Variants in IGF2BP1 observed in about 807,000 individuals in gnomAD.
IGF2BP1 encodes the protein insulin-like growth factor 2 mRNA-binding protein 1.
IGF2BP1 carries 11 observed loss-of-function variants against 74.9 expected under a neutral mutation model. The ratio of observed to expected loss-of-function variants is 0.15; its 90% CI spans 0.09 to 0.24. The LOEUF (loss-of-function observed/expected upper bound fraction) is 0.24, where lower values mean the gene tolerates loss of function less well. Among genes scored for constraint, IGF2BP1 ranks in the 10% least tolerant of loss-of-function variants. The pLI is 1.00. For missense variants in IGF2BP1, 440 were observed against 757.4 expected (o/e 0.58, Z 4.92); for synonymous variants, 287 against 281.8 (o/e 1.02, Z -0.18).
chr17:48,998,142 C>T (rs1377326799), intron 1 of IGF2BP1, among the ~76,000 whole-genome samples: 2 of 152,070 alleles, frequency 1.3e-5, no homozygotes, highest in Admixed American at 6.5e-5. Flanking sequence ...TTTCTCCCAG[C>T]CTGAGATAAG....
intron 2 of IGF2BP1, among the ~76,000 whole-genome samples, chr17:49,022,023 C>T (rs1598139535): frequency 6.6e-6 from 1 of 152,224 alleles, no homozygotes; most frequent in Non-Finnish European, 1.5e-5. Flanking sequence ...AGTCTGGATA[C>T]TCCAGTTCCC....
intron 11 of IGF2BP1, among the ~76,000 whole-genome samples, chr17:49,044,601 G>C (rs1409194727): frequency 6.6e-6 from 1 of 152,218 alleles, no homozygotes; most frequent in Non-Finnish European, 1.5e-5. Context: ...GGTTGCTTTA[G>C]TTGTCTTAAA....
At chr17:49,012,173 G>C (rs2041627577) in intron 2 of IGF2BP1, among the ~76,000 whole-genome samples, 1 of 152,102 alleles carries the variant, frequency 6.6e-6, no homozygotes, top group Admixed American at 6.5e-5. Flanking sequence ...CCAAAGTGCT[G>C]GAATTACAGG....
At chr17:49,032,951 G>A (rs778675375) in intron 5 of IGF2BP1, among the ~76,000 whole-genome samples, 1 of 152,060 alleles carries the variant, frequency 6.6e-6, no homozygotes, top group Non-Finnish European at 1.5e-5. Flanking sequence ...AAGTAGGTGG[G>A]ACTACAGACA....
At chr17:48,998,823 A>G (rs919724976) in intron 1 of IGF2BP1, among the ~76,000 whole-genome samples, 1 of 152,098 alleles carries the variant, frequency 6.6e-6, no homozygotes, top group Non-Finnish European at 1.5e-5. Flanking sequence ...CACCCACACA[A>G]ATGGCCTCGC....
At chr17:49,026,376 G>A (rs917822065) in intron 3 of IGF2BP1, 90 bp from the exon 4 acceptor site, 5 of 1,133,990 alleles carry the variant, frequency 4.4e-6, no homozygotes, top group African/African-American at 3.0e-5. Context: ...GTCAATGCCC[G>A]ATTGCTTTGG....
At position 49,052,493 on chromosome 17, in the gene IGF2BP1, G is replaced by C. The variant is rs1259288079; in HGVS notation, c.*3049G>C. On this transcript the variant is annotated 3_prime_UTR_variant, in exon 15 of 15. Transcript: ENST00000290341. Reference sequence around the variant, plus strand: ...TCCCAGAAGAGACGAGGAAGTGTGTGGCAAGGGACTGGAAAACTTCACTTG... The same window carrying C: ...TCCCAGAAGAGACGAGGAAGTGTGTCGCAAGGGACTGGAAAACTTCACTTG... The C allele has an allele frequency of 6.6e-6, 1 of 152,240 alleles. No individual in the cohort carries two copies. Among genetic ancestry groups the C allele is most frequent in the Non-Finnish European group, 1.5e-5 (1 of 68,052 alleles). 9.4% of individuals were successfully genotyped at this position (152,240 alleles called of 1,614,324 possible).
At chr17:49,022,292 C>T (rs1051869319) in intron 2 of IGF2BP1, among the ~76,000 whole-genome samples, 12 of 152,184 alleles carry the variant, frequency 7.9e-5, no homozygotes, top group Admixed American at 6.5e-5. Context: ...TTACAGTGAT[C>T]AGAAATGCCC....
chr17:49,019,837 G>A (rs1307663749), intron 2 of IGF2BP1, among the ~76,000 whole-genome samples: 2 of 131,084 alleles, frequency 1.5e-5, no homozygotes, highest in Non-Finnish European at 3.2e-5. Context: ...TCTGCTTCCC[G>A]GACCCAGGTG....
At chr17:49,010,343 G>A (rs1479378064) in intron 2 of IGF2BP1, among the ~76,000 whole-genome samples, 2 of 114,294 alleles carry the variant, frequency 1.7e-5, no homozygotes, top group Non-Finnish European at 1.7e-5. Flanking sequence ...TTTTGAGACA[G>A]TCTTGCTCTG....
rs904086158 is a variant in IGF2BP1 at position 49,031,962 on chromosome 17, G to C, written c.390G>C (p.Glu130Asp). 2.5e-6 allele frequency: 4 copies of C among 1,609,698 alleles called. No individual in the cohort carries two copies. In the African/African-American group the frequency reaches 5.4e-5, roughly 22 times the overall value. The change falls in exon 5 of 15, where the codon GAG (glutamate) becomes GAC (aspartate). Residue 130 changes from glutamate (E) to aspartate (D), a missense_variant. Coordinates refer to ENST00000290341, the MANE Select transcript of IGF2BP1 (RefSeq NM_006546.4). ...AVVNVTYSNR[E>D]QTRQAIMKLN... Reference sequence around the variant, plus strand: ...TGAATGTCACCTATTCCAACCGGGAGCAGACCAGGCAGTGAGTGGGCTGGG... The same window carrying C: ...TGAATGTCACCTATTCCAACCGGGACCAGACCAGGCAGTGAGTGGGCTGGG...
chr17:49,039,401 C>T (rs1024370835), intron 6 of IGF2BP1, among the ~76,000 whole-genome samples: 2 of 151,978 alleles, frequency 1.3e-5, no homozygotes. Flanking sequence ...GTGTTCTTGT[C>T]CCCAACCACT....
intron 2 of IGF2BP1, among the ~76,000 whole-genome samples, chr17:49,019,798 C>T (rs1451877239): frequency 6.7e-6 from 1 of 150,094 alleles, no homozygotes; most frequent in Non-Finnish European, 1.5e-5. Context: ...GGCCGGAGTG[C>T]AATGGTGCCA....
intron 2 of IGF2BP1, among the ~76,000 whole-genome samples, chr17:49,004,173 C>T (rs958107230): frequency 6.6e-6 from 1 of 152,238 alleles, no homozygotes; most frequent in Non-Finnish European, 1.5e-5. Context: ...TGGCCTGGGT[C>T]TCCGAGGAGG....
intron 2 of IGF2BP1, among the ~76,000 whole-genome samples, chr17:49,019,035 C>T (rs2041742633): frequency 6.6e-6 from 1 of 152,168 alleles, no homozygotes; most frequent in Non-Finnish European, 1.5e-5. Context: ...GCCCTCCTCC[C>T]TTCCTTCAAC....
At chr17:49,018,079 A>C (rs2041731176) in intron 2 of IGF2BP1, 1 of 152,386 alleles carries the variant, frequency 6.6e-6, no homozygotes, top group South Asian at 2.1e-4. Flanking sequence ...TTAAAGTTAC[A>C]AAATTAAAAA....
intron 14 of IGF2BP1, among the ~76,000 whole-genome samples, 148 bp from the exon 15 acceptor site, chr17:49,049,198 CACCCCA>C (rs1038830733): frequency 1.3e-5 from 2 of 152,140 alleles, no homozygotes; most frequent in Non-Finnish European, 2.9e-5. Context: ...AATGTAAGGT[CACCCCA>C]ACCCTCATTC....
chr17:49,001,728 G>A (rs762033719), intron 2 of IGF2BP1, among the ~76,000 whole-genome samples: 3 of 152,064 alleles, frequency 2.0e-5, no homozygotes, highest in Non-Finnish European at 2.9e-5. Context: ...TTTTTGTTGA[G>A]AATTTGTATA....
At chr17:49,014,794 C>G (rs1598131376) in intron 2 of IGF2BP1, 1 of 985,206 alleles carries the variant, frequency 1.0e-6, no homozygotes, top group Admixed American at 6.2e-5. Context: ...CTAAGGACCC[C>G]GAGGAGCACG....
Sources: gnomAD v4.1 joint callset for allele counts (sites outside exome capture counted in the v4.1 genomes callset) on GRCh38, gnomAD v4.1.1 for gene constraint, MANE v1.5 for transcripts, NCBI Gene and HGNC (gene_info 2026-07-23, HGNC 2026-07-21) for gene names.